Variants in IGF2BP3 observed in about 807,000 individuals in gnomAD.
The protein encoded by IGF2BP3 is insulin like growth factor 2 mRNA binding protein 3.
Under a neutral mutation model 73.8 loss-of-function variants are expected in IGF2BP3, and 9 were observed. The ratio of observed to expected loss-of-function variants is 0.12; its 90% CI spans 0.07 to 0.21. The LOEUF (loss-of-function observed/expected upper bound fraction) is 0.21, where lower values mean the gene tolerates loss of function less well. Among genes scored for constraint, IGF2BP3 ranks in the 10% least tolerant of loss-of-function variants. The probability of loss-of-function intolerance (pLI) is 1.00; values close to 1 mark genes in which losing one functional copy is unlikely to be tolerated. For missense variants in IGF2BP3, 542 were observed against 714.0 expected, an observed-to-expected ratio of 0.76 and a Z score of 2.75; for synonymous variants, 258 against 256.7, an observed-to-expected ratio of 1.01 and a Z score of -0.05.
chr7:23,335,977 T>C (rs1434491183), intron 10 of IGF2BP3, among the ~76,000 whole-genome samples: 1 of 152,200 alleles, frequency 6.6e-6, no homozygotes, highest in Non-Finnish European at 1.5e-5. Context: ...GAACCAACTC[T>C]TTGGCTCTGG....
chr7:23,336,502 T>C (rs556593211), intron 10 of IGF2BP3, among the ~76,000 whole-genome samples: 1 of 152,236 alleles, frequency 6.6e-6, no homozygotes, highest in African/African-American at 2.4e-5. Context: ...CAGTATGTTC[T>C]TTTTTTCTCT....
At position 23,351,474 on chromosome 7, in the gene IGF2BP3, G is replaced by A. The variant is rs1261964708; in HGVS notation, c.514C>T (p.Arg172Trp). Reference protein sequence around the residue: ...QNPLQQPRGRRGLGQRGSSRQ... With the variant: ...QNPLQQPRGRWGLGQRGSSRQ... The stretch of plus-strand genomic sequence containing the variant: ...GAGGAGCCCCTCTGCCCAAGCCCCC[G>A]GCGACCTCGGGGCTGCTGCAAGGGG... Residue 172 changes from arginine to tryptophan, a missense_variant, in exon 6 of 15, where the codon CGG (arginine) becomes TGG (tryptophan). Coordinates refer to ENST00000258729, the MANE Select transcript of IGF2BP3 (RefSeq NM_006547.3). 7 of 1,613,840 alleles carry A rather than the reference G, an allele frequency of 4.3e-6. No homozygotes were observed. Among genetic ancestry groups the A allele is most frequent in the Admixed American group, 1.7e-5 (1 of 59,968 alleles).
Position 23,329,568 on chromosome 7 carries a change from A to G in IGF2BP3, c.1204-10314T>C, listed in dbSNP as rs1244610240. ...GCCCCTGCTCAGTCTATGGAATTCTAGTTATTCCATTCCAGTAGGACTCCA... is the reference window on the plus strand; with the variant it reads ...GCCCCTGCTCAGTCTATGGAATTCTGGTTATTCCATTCCAGTAGGACTCCA... On this transcript the variant is annotated intron_variant, in intron 10 of 14. Coordinates refer to ENST00000258729, the MANE Select transcript of IGF2BP3 (RefSeq NM_006547.3). Among the ~76,000 whole-genome samples the G allele has an allele frequency of 2.6e-5, 4 of 152,228 alleles. 1 individual carries two copies. Among genetic ancestry groups the G allele is most frequent in the Admixed American group, 2.0e-4 (3 of 15,286 alleles).
At chr7:23,368,343 A>AAAAGAAAGAAAGAAAAAAAGAAAG (rs1785444698) in intron 3 of IGF2BP3, among the ~76,000 whole-genome samples, 1 of 137,924 alleles carries the variant, frequency 7.3e-6, no homozygotes. Context: ...AAGAAAGAAA[A>AAAAGAAAGAAAGAAAAAAAGAAAG]AAAGAAAGAA....
At chr7:23,420,982 C>T (rs1166075754) in intron 2 of IGF2BP3, among the ~76,000 whole-genome samples, 1 of 152,144 alleles carries the variant, frequency 6.6e-6, no homozygotes, top group Non-Finnish European at 1.5e-5. Context: ...AGGTACCTCT[C>T]TGCTTTTATG....
chr7:23,379,856 A>G (rs1785850380), intron 3 of IGF2BP3, among the ~76,000 whole-genome samples: 2 of 152,150 alleles, frequency 1.3e-5, no homozygotes, highest in Admixed American at 1.3e-4. Context: ...GTCCCTACAA[A>G]ATATACATCC....
chr7:23,464,757 G>A (rs1047992992), intron 2 of IGF2BP3, among the ~76,000 whole-genome samples: 5 of 151,154 alleles, frequency 3.3e-5, no homozygotes, highest in Non-Finnish European at 7.4e-5. Flanking sequence ...CTGAAAGGAA[G>A]AAAAAGGTAA....
chr7:23,327,338 T>C (rs1270416988), intron 10 of IGF2BP3, among the ~76,000 whole-genome samples: 1 of 148,716 alleles, frequency 6.7e-6, no homozygotes, highest in South Asian at 2.1e-4. Flanking sequence ...TGGAGTGCAG[T>C]GGCGCAATCT....
At chr7:23,431,836 C>CA (rs1562750175) in intron 2 of IGF2BP3, among the ~76,000 whole-genome samples, 1 of 152,010 alleles carries the variant, frequency 6.6e-6, no homozygotes, top group Non-Finnish European at 1.5e-5. Context: ...AACCCACACA[C>CA]ACACATTCTC....
At chr7:23,347,906 A>C in intron 6 of IGF2BP3, 172 bp from the exon 7 acceptor site, 1 of 607,226 alleles carries the variant, frequency 1.6e-6, no homozygotes, top group South Asian at 2.6e-5. Flanking sequence ...TTAAGAGGCA[A>C]ATTTTAATTC....
At chr7:23,386,397 T>C (rs1176821052) in intron 3 of IGF2BP3, among the ~76,000 whole-genome samples, 2 of 152,090 alleles carry the variant, frequency 1.3e-5, no homozygotes, top group Non-Finnish European at 2.9e-5. Context: ...AGAAAGTACG[T>C]ACTCAAAAAG....
At chr7:23,376,921 T>C (rs901562242) in intron 3 of IGF2BP3, among the ~76,000 whole-genome samples, 7 of 152,204 alleles carry the variant, frequency 4.6e-5, no homozygotes, top group African/African-American at 1.7e-4. Context: ...CTAATTTTAT[T>C]TCTGTTCAAT....
At chr7:23,330,352 T>C (rs1168296789) in intron 10 of IGF2BP3, among the ~76,000 whole-genome samples, 1 of 148,932 alleles carries the variant, frequency 6.7e-6, no homozygotes, top group Non-Finnish European at 1.5e-5. Context: ...TTATATTATA[T>C]ATATATTTCT....
intron 3 of IGF2BP3, among the ~76,000 whole-genome samples, chr7:23,374,627 T>C (rs115159090): frequency 6.0e-4 from 91 of 152,192 alleles, no homozygotes; most frequent in African/African-American, 2.0e-3. Context: ...CAGTGAGCTA[T>C]GATGACGCCA....
intron 3 of IGF2BP3, chr7:23,414,311 C>T (rs551392851): frequency 2.6e-5 from 4 of 152,276 alleles, no homozygotes; most frequent in African/African-American, 9.6e-5. Flanking sequence ...GTCCAGAGAA[C>T]TTGAGGAATC....
chr7:23,410,042 G>A lies in IGF2BP3; in HGVS notation c.285+8734C>T, dbSNP rs530530502. ...AAATTAGCCAGGCATGTTGGTGGGC[G>A]CCTGTAATCCCAGCTACTCAGGAGG... On this transcript the variant is annotated intron_variant, in intron 3 of 14. Coordinates refer to ENST00000258729, the MANE Select transcript of IGF2BP3 (RefSeq NM_006547.3). 1.8e-3 allele frequency among the ~76,000 whole-genome samples: 273 copies of A among 152,172 alleles called. 1 individual carries two copies. The highest frequency in any genetic ancestry group is 3.5e-3 in the Non-Finnish European group (238 of 67,996).
At chr7:23,369,449 C>T (rs1785481389) in intron 3 of IGF2BP3, among the ~76,000 whole-genome samples, 1 of 152,178 alleles carries the variant, frequency 6.6e-6, no homozygotes, top group African/African-American at 2.4e-5. Flanking sequence ...CAGATTTGAA[C>T]CTGACTGTCT....
chr7:23,352,509 C>G (rs1308937556), intron 5 of IGF2BP3, among the ~76,000 whole-genome samples: 1 of 151,870 alleles, frequency 6.6e-6, no homozygotes, highest in Non-Finnish European at 1.5e-5. Flanking sequence ...GGCTGGTTTT[C>G]AACTCCTGAC....
At chr7:23,360,637 G>C (rs983576937) in intron 5 of IGF2BP3, among the ~76,000 whole-genome samples, 2 of 152,166 alleles carry the variant, frequency 1.3e-5, no homozygotes, top group Non-Finnish European at 2.9e-5. Flanking sequence ...AGTCCCTCCT[G>C]AGTGAGTACT....
Sources: gnomAD v4.1 joint callset for allele counts (sites outside exome capture counted in the v4.1 genomes callset) on GRCh38, gnomAD v4.1.1 for gene constraint, MANE v1.5 for transcripts, NCBI Gene and HGNC (gene_info 2026-07-23, HGNC 2026-07-21) for gene names.